Variants in H2BC4 observed in about 807,000 individuals in gnomAD.
H2BC4 encodes histone H2B type 1-C/E/F/G/I.
Under a neutral mutation model 6.2 loss-of-function variants are expected in H2BC4, and 10 were observed. That is an observed-to-expected ratio of 1.61 (90% CI 0.99 to 2.73). The LOEUF is 2.73. Ranked by LOEUF, H2BC4 falls within the 30% of genes most tolerant of loss-of-function variation. The probability of loss-of-function intolerance (pLI) is 0.00; values close to 1 mark genes in which losing one functional copy is unlikely to be tolerated. For missense variants in H2BC4, 176 were observed against 168.7 expected (o/e 1.04, Z -0.24); for synonymous variants, 146 against 70.7 (o/e 2.07, Z -5.35).
At position 26,123,485 on chromosome 6, in the gene H2BC4, G is replaced by T; in HGVS notation, c.*39C>A. On this transcript the variant is annotated 3_prime_UTR_variant, in exon 1 of 1. Transcript: ENST00000396984. ...GGGTATCTGGGTGGCTCTTAAAAGA[G>T]CCTTTGGGGTTAGGTGTTAAGACGC... The T allele has an allele frequency of 1.2e-6, 2 of 1,612,958 alleles. No individual in the cohort carries two copies. The highest frequency in any genetic ancestry group is 1.7e-6 in the Non-Finnish European group (2 of 1,179,636).
chr6:26,116,499 C>A (rs1763421916), intron 1 of H2BC4, among the ~76,000 whole-genome samples: 1 of 151,986 alleles, frequency 6.6e-6, no homozygotes, highest in Non-Finnish European at 1.5e-5. Flanking sequence ...TTGAGACCAG[C>A]CTGGGCAACA....
chr6:26,120,191 G>A (rs190669970), downstream of H2BC4, among the ~76,000 whole-genome samples: 73 of 152,120 alleles, frequency 4.8e-4, 1 homozygote, highest in East Asian at 0.013. Context: ...TTCTGGGCAC[G>A]GTGGCTCACG....
downstream of H2BC4, among the ~76,000 whole-genome samples, chr6:26,113,389 C>T (rs1490644512): frequency 3.9e-5 from 6 of 152,144 alleles, no homozygotes; most frequent in African/African-American, 1.4e-4. Flanking sequence ...GTTGTTAGAT[C>T]ATATTTATTC....
chr6:26,119,096 G>C (rs1190119282), downstream of H2BC4, among the ~76,000 whole-genome samples: 1 of 151,812 alleles, frequency 6.6e-6, no homozygotes, highest in Non-Finnish European at 1.5e-5. Flanking sequence ...TATAGTACTT[G>C]ATAGAGTCAG....
downstream of H2BC4, among the ~76,000 whole-genome samples, chr6:26,120,770 T>A (rs1763487222): frequency 6.6e-6 from 1 of 152,212 alleles, no homozygotes; most frequent in Non-Finnish European, 1.5e-5. Flanking sequence ...GCACTCTTTT[T>A]TTTCCCTGAC....
At position 26,123,777 on chromosome 6, in the gene H2BC4, T is replaced by C. The variant is rs1214818955; in HGVS notation, c.128A>G (p.Tyr43Cys). 3 of 1,614,276 alleles carry C rather than the reference T, an allele frequency of 1.9e-6. No individual in the cohort carries two copies. Among genetic ancestry groups the C allele is most frequent in the Middle Eastern group, 1.6e-4 (1 of 6,062 alleles). The stretch of plus-strand genomic sequence containing the variant: ...GGGATGGACCTGTTTCAGCACCTTG[T>C]ACACGTACACAGAGTAACTCTCCTT... ...SRKESYSVYV[Y>C]KVLKQVHPDT... Residue 43 changes from tyrosine (Y) to cysteine (C), a missense_variant, in exon 1 of 1, where the codon TAC becomes TGC. Physicochemically the swap from Tyr to Cys is radical, Grantham distance 194. Coordinates refer to ENST00000396984, the MANE Select transcript of H2BC4 (RefSeq NM_003526.3).
In H2BC4 at chr6:26,123,662, C is replaced by T; in HGVS notation, c.243G>A (p.Leu81=). The T allele has an allele frequency of 6.2e-7, 1 of 1,614,282 alleles. No individual in the cohort carries two copies. The highest frequency in any genetic ancestry group is 1.3e-5 in the African/African-American group (1 of 75,080). ...FERIAGEASR[L]AHYNKRSTIT... is the part of the protein sequence containing the mutation. ...TGGTCGAGCGCTTGTTGTAATGCGC[C>T]AGGCGGGAAGCCTCGCCCGCGATGC... Residue 81 remains leucine, a synonymous_variant, in exon 1 of 1, where the codon CTG becomes CTA. Coordinates refer to ENST00000396984, the MANE Select transcript of H2BC4 (RefSeq NM_003526.3).
chr6:26,119,400 C>G (rs1477724511), downstream of H2BC4, among the ~76,000 whole-genome samples: 1 of 152,068 alleles, frequency 6.6e-6, no homozygotes, highest in African/African-American at 2.4e-5. Context: ...TAGAAATTGT[C>G]CAGGTATCCA....
downstream of H2BC4, among the ~76,000 whole-genome samples, chr6:26,121,019 C>G (rs986336596): frequency 3.3e-5 from 5 of 152,134 alleles, no homozygotes; most frequent in Admixed American, 1.3e-4. Context: ...TTCATATCAT[C>G]TTAACACAGG....
downstream of H2BC4, among the ~76,000 whole-genome samples, chr6:26,119,708 AC>A (rs1307105777): frequency 6.6e-6 from 1 of 151,822 alleles, no homozygotes; most frequent in African/African-American, 2.4e-5. Context: ...TAGAATATGA[AC>A]CCTAAACTTG....
chr6:26,123,746 AGT>A lies in H2BC4; in HGVS notation c.157_158del (p.Thr53TrpfsTer15), dbSNP rs770481352. 6.2e-7 allele frequency: 1 copy of A among 1,614,274 alleles called. No homozygotes were observed. ...TGCCCATGGCCTTGGAAGAGATGCCAGTGTCGGGATGGACCTGTTTCAGCACC... is the reference window on the plus strand; with the variant it reads ...TGCCCATGGCCTTGGAAGAGATGCCAGTCGGGATGGACCTGTTTCAGCACC... ...YKVLKQVHPD[T>X]GISSKAMGIM... On this transcript the variant is annotated frameshift_variant, in exon 1 of 1. Coordinates refer to ENST00000396984, the MANE Select transcript of H2BC4 (RefSeq NM_003526.3). LOFTEE classifies it high-confidence loss of function.
In H2BC4 at chr6:26,123,491, G is replaced by A. The variant is rs964232123; in HGVS notation, c.*33C>T. The A allele has an allele frequency of 1.1e-5, 17 of 1,613,450 alleles. No individual in the cohort carries two copies. Among genetic ancestry groups the A allele is most frequent in the African/African-American group, 1.3e-5 (1 of 74,828 alleles). Reference sequence around the variant, plus strand: ...CTGGGTGGCTCTTAAAAGAGCCTTTGGGGTTAGGTGTTAAGACGCTTACTT... The same window carrying A: ...CTGGGTGGCTCTTAAAAGAGCCTTTAGGGTTAGGTGTTAAGACGCTTACTT... On this transcript the variant is annotated 3_prime_UTR_variant, in exon 1 of 1. Coordinates refer to ENST00000396984, the MANE Select transcript of H2BC4 (RefSeq NM_003526.3).
At position 26,123,924 on chromosome 6, in the gene H2BC4, G is replaced by T; in HGVS notation, c.-20C>A. 1 of 1,609,726 alleles carries T rather than the reference G, an allele frequency of 6.2e-7. No homozygotes were observed. Among genetic ancestry groups the T allele is most frequent in the Non-Finnish European group, 8.5e-7 (1 of 1,178,930 alleles). Reference sequence around the variant, plus strand: ...AGGCATCTTAAAACACCAGAAATGTGTCGAAAGTAAAGAGCGGATTTCTGC... The same window carrying T: ...AGGCATCTTAAAACACCAGAAATGTTTCGAAAGTAAAGAGCGGATTTCTGC... On this transcript the variant is annotated 5_prime_UTR_variant, in exon 1 of 1. Coordinates refer to ENST00000396984, the MANE Select transcript of H2BC4 (RefSeq NM_003526.3).
At chr6:26,116,675 G>A (rs1176101898) in intron 1 of H2BC4, among the ~76,000 whole-genome samples, 4 of 152,030 alleles carry the variant, frequency 2.6e-5, no homozygotes, top group African/African-American at 9.7e-5. Flanking sequence ...ACTCCAGCCT[G>A]GCAGCCTGGG....
At chr6:26,118,407 C>T (rs1763451798) in intron 1 of H2BC4, among the ~76,000 whole-genome samples, 1 of 152,110 alleles carries the variant, frequency 6.6e-6, no homozygotes, top group Non-Finnish European at 1.5e-5. Context: ...GGGCCACAGG[C>T]AGAAATAAAT....
downstream of H2BC4, among the ~76,000 whole-genome samples, chr6:26,119,703 T>A (rs113426107): frequency 6.4e-4 from 97 of 152,006 alleles, no homozygotes; most frequent in African/African-American, 1.7e-3. Context: ...TTTTTTAGAA[T>A]ATGAACCCTA....
At chr6:26,121,946 C>T (rs1230992931), downstream of H2BC4, among the ~76,000 whole-genome samples, 1 of 151,036 alleles carries the variant, frequency 6.6e-6, no homozygotes, top group East Asian at 1.9e-4. Context: ...CCAGCTACTC[C>T]GGAGGCTGAG....
Position 26,123,648 on chromosome 6 carries a change from T to C in H2BC4, c.257A>G (p.Lys86Arg). Residue 86 changes from lysine (K) to arginine (R), a missense_variant, in exon 1 of 1, where the codon AAG (lysine) becomes AGG (arginine). Physicochemically the swap from Lys to Arg is conservative, Grantham distance 26. Coordinates refer to ENST00000396984, the MANE Select transcript of H2BC4 (RefSeq NM_003526.3). ...CTCCCTGGAGGTGATGGTCGAGCGC[T>C]TGTTGTAATGCGCCAGGCGGGAAGC... is the stretch of plus-strand genomic sequence containing the variant. Reference protein sequence around the residue: ...GEASRLAHYNKRSTITSREIQ... With the variant: ...GEASRLAHYNRRSTITSREIQ... The C allele has an allele frequency of 6.2e-7, 1 of 1,614,272 alleles. No individual in the cohort carries two copies. Among genetic ancestry groups the C allele is most frequent in the Non-Finnish European group, 8.5e-7 (1 of 1,180,042 alleles).
At chr6:26,121,018 T>C (rs1321761215), downstream of H2BC4, among the ~76,000 whole-genome samples, 2 of 152,204 alleles carry the variant, frequency 1.3e-5, no homozygotes, top group Non-Finnish European at 2.9e-5. Flanking sequence ...ATTCATATCA[T>C]CTTAACACAG....
Sources: gnomAD v4.1 joint callset for allele counts (sites outside exome capture counted in the v4.1 genomes callset) on GRCh38, gnomAD v4.1.1 for gene constraint, MANE v1.5 for transcripts, NCBI Gene and HGNC (gene_info 2026-07-23, HGNC 2026-07-21) for gene names.